GRIN2A: variants seen among roughly 807,000 people sequenced by gnomAD.
GRIN2A encodes the protein glutamate receptor ionotropic, NMDA 2A.
A neutral mutation model predicts 113.4 loss-of-function variants in GRIN2A; 22 were observed. The observed-to-expected ratio is 0.19, with a 90% CI of 0.14 to 0.28. The LOEUF is 0.28. Ranked by LOEUF, GRIN2A falls within the 10% of genes least tolerant of loss-of-function variation. The pLI, the probability that GRIN2A is intolerant of heterozygous loss-of-function variation, is 1.00. For synonymous variants in GRIN2A, 827 were observed against 738.4 expected (o/e 1.12, Z -1.94); for missense variants, 1,502 against 1,887.0 (o/e 0.80, Z 3.78).
intron 11 of GRIN2A, among the ~76,000 whole-genome samples, chr16:9,781,264 C>T (rs1268655207): frequency 6.6e-6 from 1 of 152,160 alleles, no homozygotes; most frequent in East Asian, 1.9e-4. Flanking sequence ...GCATGTTGCA[C>T]CTTCTAAAAT....
chr16:9,883,069 G>C (rs568354293), intron 4 of GRIN2A, among the ~76,000 whole-genome samples: 3 of 152,142 alleles, frequency 2.0e-5, no homozygotes, highest in Non-Finnish European at 4.4e-5. Context: ...GAGATCTTAA[G>C]CTGGTCACTA....
rs117121855 is a variant in GRIN2A at position 10,000,007 on chromosome 16, C to T, written c.415-61456G>A. 9.6e-3 allele frequency among the ~76,000 whole-genome samples: 1,464 copies of T among 152,178 alleles called. 14 individuals carry two copies. Among genetic ancestry groups the T allele is most frequent in the Non-Finnish European group, 0.016 (1,103 of 68,012 alleles). On this transcript the variant is annotated intron_variant, in intron 2 of 12. Transcript: ENST00000330684. Reference sequence around the variant, plus strand: ...TTGCCTTTCCAGGTTCCAGGGAGTTCCTGCATTCCTCCCCTGAGCACCCTC... The same window carrying T: ...TTGCCTTTCCAGGTTCCAGGGAGTTTCTGCATTCCTCCCCTGAGCACCCTC...
At chr16:10,130,625 C>T (rs1567321056) in intron 2 of GRIN2A, among the ~76,000 whole-genome samples, 1 of 152,132 alleles carries the variant, frequency 6.6e-6, no homozygotes, top group Non-Finnish European at 1.5e-5. Flanking sequence ...TATTTAACTC[C>T]CCTCCCAGCA....
At chr16:9,956,225 T>C (rs2045306992) in intron 2 of GRIN2A, among the ~76,000 whole-genome samples, 1 of 152,252 alleles carries the variant, frequency 6.6e-6, no homozygotes, top group African/African-American at 2.4e-5. Context: ...TCTTGTGTTT[T>C]CTGTTTTTGT....
chr16:10,104,650 G>T (rs186056337), intron 2 of GRIN2A, among the ~76,000 whole-genome samples: 6 of 152,060 alleles, frequency 3.9e-5, no homozygotes, highest in Non-Finnish European at 8.8e-5. Flanking sequence ...TCCAGGGTGC[G>T]CACATGACAG....
chr16:9,895,757 T>C (rs1311802080), intron 3 of GRIN2A, among the ~76,000 whole-genome samples: 1 of 152,178 alleles, frequency 6.6e-6, no homozygotes, highest in Non-Finnish European at 1.5e-5. Flanking sequence ...CCTAAGTTGA[T>C]AATTAGGGTG....
chr16:9,918,949 G>A (rs1314546920), intron 3 of GRIN2A, among the ~76,000 whole-genome samples: 1 of 152,078 alleles, frequency 6.6e-6, no homozygotes, highest in Non-Finnish European at 1.5e-5. Context: ...AAAACGGGCA[G>A]ATTACTTGTG....
chr16:9,896,209 C>T (rs1213911410), intron 3 of GRIN2A, among the ~76,000 whole-genome samples: 1 of 152,076 alleles, frequency 6.6e-6, no homozygotes, highest in African/African-American at 2.4e-5. Context: ...GCCACCACTC[C>T]CGGCTAATTC....
rs563246120 is a variant in GRIN2A at position 10,051,749 on chromosome 16, G to C, written c.415-113198C>G. On this transcript the variant is annotated intron_variant, in intron 2 of 12. Coordinates refer to ENST00000330684, the MANE Select transcript of GRIN2A (RefSeq NM_001134407.3). Reference sequence around the variant, plus strand: ...CGGTCACCAGAGCATGCCAGGGTGAGTGCAATACTGTGCAGGTGGTACAGA... The same window carrying C: ...CGGTCACCAGAGCATGCCAGGGTGACTGCAATACTGTGCAGGTGGTACAGA... Among the ~76,000 whole-genome samples the C allele has an allele frequency of 2.6e-5, 4 of 152,316 alleles. No individual in the cohort carries two copies. The South Asian group carries it at 6.2e-4, about 24-fold the overall frequency.
At chr16:10,092,712 C>T (rs8049269) in intron 2 of GRIN2A, among the ~76,000 whole-genome samples, 17,172 of 152,030 alleles carry the variant, frequency 0.11, 1,962 homozygotes, top group African/African-American at 0.3. Flanking sequence ...AGTGACTTGT[C>T]CAAGATCACA....
intron 5 of GRIN2A, among the ~76,000 whole-genome samples, chr16:9,841,754 C>T (rs569837828): frequency 1.4e-4 from 22 of 152,174 alleles, no homozygotes; most frequent in Non-Finnish European, 2.5e-4. Flanking sequence ...CCCTACCTAC[C>T]TATGTGACAT....
chr16:9,769,451 C>CTTTTTTTTTTTTTTTTTTTTTGTTTTTTT (rs34847596), intron 11 of GRIN2A, among the ~76,000 whole-genome samples: 2 of 104,890 alleles, frequency 1.9e-5, no homozygotes, highest in Non-Finnish European at 3.9e-5. Flanking sequence ...GGAGTTTTGT[C>CTTTTTTTTTTTTTTTTTTTTTGTTTTTTT]TTTTTTTTTT....
chr16:9,761,028 T>C lies in GRIN2A; in HGVS notation c.*2121A>G, dbSNP rs771128000. On this transcript the variant is annotated 3_prime_UTR_variant, in exon 13 of 13. Transcript: ENST00000330684. ...GAGGTACAGCATCCGGGAAATAAAATGTCATTTTCAAGCACATGCATCCCC... is the reference window on the plus strand; with the variant it reads ...GAGGTACAGCATCCGGGAAATAAAACGTCATTTTCAAGCACATGCATCCCC... 6 of 232,624 alleles carry C rather than the reference T, an allele frequency of 2.6e-5. No homozygotes were observed. Among genetic ancestry groups the C allele is most frequent in the Non-Finnish European group, 4.2e-5 (5 of 117,816 alleles). 14.4% of individuals were successfully genotyped at this position (232,624 alleles called of 1,614,324 possible).
At chr16:10,148,340 A>G (rs1040498648) in intron 2 of GRIN2A, among the ~76,000 whole-genome samples, 7 of 152,226 alleles carry the variant, frequency 4.6e-5, no homozygotes, top group Non-Finnish European at 8.8e-5. Flanking sequence ...GTAGAAAAGT[A>G]TGACCTAAGT....
At chr16:9,958,730 G>C (rs2045363159) in intron 2 of GRIN2A, among the ~76,000 whole-genome samples, 2 of 152,056 alleles carry the variant, frequency 1.3e-5, no homozygotes, top group Non-Finnish European at 2.9e-5. Context: ...GCAGAGGGCA[G>C]AAATTAGAAC....
chr16:9,809,895 C>T (rs894621992), intron 10 of GRIN2A, among the ~76,000 whole-genome samples: 2 of 152,082 alleles, frequency 1.3e-5, no homozygotes, highest in Admixed American at 6.5e-5. Flanking sequence ...TGGTGAAGCC[C>T]CATCTCTACT....
intron 10 of GRIN2A, among the ~76,000 whole-genome samples, chr16:9,814,927 A>G (rs2042157039): frequency 6.6e-6 from 1 of 151,712 alleles, no homozygotes; most frequent in Non-Finnish European, 1.5e-5. Flanking sequence ...AGGCTGAGGC[A>G]GGAGAATCGC....
At chr16:9,880,483 G>A (rs1006454971) in intron 4 of GRIN2A, among the ~76,000 whole-genome samples, 11 of 152,194 alleles carry the variant, frequency 7.2e-5, no homozygotes, top group African/African-American at 1.4e-4. Context: ...GGTGAGGCTC[G>A]CCCCAATAAT....
chr16:10,069,889 C>T (rs1024966228), intron 2 of GRIN2A, among the ~76,000 whole-genome samples: 9 of 152,124 alleles, frequency 5.9e-5, no homozygotes, highest in African/African-American at 2.2e-4. Context: ...ATGGTGAGTG[C>T]AATTACTAAA....
Sources: allele counts gnomAD v4.1 joint callset (sites outside exome capture counted in the v4.1 genomes callset), GRCh38; gene constraint gnomAD v4.1.1; transcripts MANE v1.5; gene names NCBI Gene and HGNC (gene_info 2026-07-23, HGNC 2026-07-21).